The following CCDC186 variants were observed in gnomAD, a reference collection of about 807,000 sequenced individuals.
CCDC186 encodes the protein coiled-coil domain containing 186.
In CCDC186, 49 loss-of-function variants were observed where a neutral mutation model predicts 113.7. That is an observed-to-expected ratio of 0.43 (90% confidence interval 0.34 to 0.55). The LOEUF (loss-of-function observed/expected upper bound fraction) is 0.55. CCDC186 is among the 20% of genes least tolerant of loss of function. The probability of loss-of-function intolerance (pLI) is 0.02; values close to 1 mark genes in which losing one functional copy is unlikely to be tolerated. For synonymous variants in CCDC186, 355 were observed against 345.8 expected (o/e 1.03, Z -0.30); for missense variants, 890 against 1,011.1 (o/e 0.88, Z 1.62).
intron 1 of CCDC186, among the ~76,000 whole-genome samples, chr10:114,163,757 T>C (rs367589085): frequency 1.3e-5 from 2 of 151,976 alleles, no homozygotes; most frequent in African/African-American, 4.8e-5. Context: ...ATAAAAGCAC[T>C]AGAAATCACA....
rs775479999 is a variant in CCDC186 at position 114,125,200 on chromosome 10, T to C, written c.2640A>G (p.Glu880=). 6.2e-7 allele frequency: 1 copy of C among 1,611,876 alleles called. No homozygotes were observed. The highest frequency in any genetic ancestry group is 8.5e-7 in the Non-Finnish European group (1 of 1,178,810). The change falls in exon 16 of 16, where the codon GAA becomes GAG. Residue 880 remains glutamate (E), a synonymous_variant. Coordinates refer to ENST00000369287, the MANE Select transcript of CCDC186 (RefSeq NM_018017.4). ...LKENLQTLGT[E]IERLIKHQHE... is the part of the protein sequence containing the mutation. ...GCTGGTGTTTAATAAGACGTTCTAT[T>C]TCTGTTCCAAGTGTTTGTAGATTTT...
At chr10:114,149,810 AAGGAAGGC>A (rs1478592932) in intron 4 of CCDC186, among the ~76,000 whole-genome samples, 6,144 of 60,240 alleles carry the variant, frequency 0.1, 231 homozygotes, top group African/African-American at 0.16. Context: ...GGAAGGAAGG[AAGGAAGGC>A]AGGAAGGCAG....
At position 114,161,244 on chromosome 10, in the gene CCDC186, A is replaced by G. The variant is rs148985048; in HGVS notation, c.632+1393T>C. Among the ~76,000 whole-genome samples the G allele has an allele frequency of 8.3e-4, 126 of 152,332 alleles. 1 individual carries two copies. Among genetic ancestry groups the G allele is most frequent in the African/African-American group, 3.0e-3 (123 of 41,586 alleles). ...CACAAAGCTCAGATTTTAACTTTGCATTTGTTAGCATGTGGCCTTGAGCAA... is the reference window on the plus strand; with the variant it reads ...CACAAAGCTCAGATTTTAACTTTGCGTTTGTTAGCATGTGGCCTTGAGCAA... On this transcript the variant is annotated intron_variant, in intron 2 of 15. Coordinates refer to ENST00000369287, the MANE Select transcript of CCDC186 (RefSeq NM_018017.4).
At chr10:114,129,833 A>AATGCTATTT (rs2031030138) in intron 13 of CCDC186, 58 bp downstream of exon 13, 2 of 1,541,902 alleles carry the variant, frequency 1.3e-6, no homozygotes, top group Non-Finnish European at 1.8e-6. Flanking sequence ...CCTGGCCAAA[A>AATGCTATTT]ATGCTATTTA....
At chr10:114,152,700 C>T (rs755469218) in intron 3 of CCDC186, among the ~76,000 whole-genome samples, 1 of 152,056 alleles carries the variant, frequency 6.6e-6, no homozygotes, top group Non-Finnish European at 1.5e-5. Flanking sequence ...AAGGCAGAAA[C>T]TAACAGACTT....
chr10:114,137,236 C>G lies in CCDC186; in HGVS notation c.1276G>C (p.Glu426Gln). 6.2e-7 allele frequency: 1 copy of G among 1,613,800 alleles called. No homozygotes were observed. Among genetic ancestry groups the G allele is most frequent in the Non-Finnish European group, 8.5e-7 (1 of 1,179,960 alleles). The change falls in exon 7 of 16, where the codon GAA becomes CAA. Residue 426 changes from glutamate to glutamine, a missense_variant. By Grantham distance (29) the Glu-to-Gln change is conservative (BLOSUM62 2). Transcript: ENST00000369287. ...TTTKLTQAKEEADQIRKNCQD... is the reference protein window; with the variant it reads ...TTTKLTQAKEQADQIRKNCQD... ...CAGTTTTTTCGTATCTGATCTGCTT[C>G]TTCCTTTGCTTGTGTTAATTTTGTT... is the stretch of plus-strand genomic sequence containing the variant.
At chr10:114,135,244 C>T (rs1269308786) in intron 9 of CCDC186, among the ~76,000 whole-genome samples, 189 bp from the exon 10 acceptor site, 1 of 152,064 alleles carries the variant, frequency 6.6e-6, no homozygotes, top group African/African-American at 2.4e-5. Flanking sequence ...GGAGTTTTAG[C>T]ATGTCATTTC....
chr10:114,135,098 T>A (rs1374012362), intron 9 of CCDC186, 43 bp from the exon 10 acceptor site: 2 of 1,552,876 alleles, frequency 1.3e-6, no homozygotes, highest in African/African-American at 2.8e-5. Context: ...TGTATTCTTG[T>A]TCTTTATAAA....
At chr10:114,129,382 T>C (rs1202959010) in intron 13 of CCDC186, among the ~76,000 whole-genome samples, 1 of 151,534 alleles carries the variant, frequency 6.6e-6, no homozygotes, top group Non-Finnish European at 1.5e-5. Flanking sequence ...GATCATCACA[T>C]AGAACCCCAT....
chr10:114,157,665 A>G lies in CCDC186; in HGVS notation c.648T>C (p.Asn216=). 2 of 1,587,422 alleles carry G rather than the reference A, an allele frequency of 1.3e-6. No homozygotes were observed. Among genetic ancestry groups the G allele is most frequent in the African/African-American group, 1.4e-5 (1 of 73,336 alleles). ...CTACGAAGAGCTCCTGATGCTTCTTATTTTCTTTAATTAACCTAAATATAA... is the reference window on the plus strand; with the variant it reads ...CTACGAAGAGCTCCTGATGCTTCTTGTTTTCTTTAATTAACCTAAATATAA... ...EHIIKKLIKE[N]KKHQELFVDI... Residue 216 remains asparagine (N), a synonymous_variant, in exon 3 of 16, where the codon AAT becomes AAC. Coordinates refer to ENST00000369287, the MANE Select transcript of CCDC186 (RefSeq NM_018017.4).
At chr10:114,142,423 T>C (rs1327167333) in intron 6 of CCDC186, among the ~76,000 whole-genome samples, 1 of 152,182 alleles carries the variant, frequency 6.6e-6, no homozygotes, top group African/African-American at 2.4e-5. Flanking sequence ...TTGCTAGCCG[T>C]ATATACGTTC....
chr10:114,173,658 C>A (rs1298927377), intron 1 of CCDC186, among the ~76,000 whole-genome samples: 5 of 152,246 alleles, frequency 3.3e-5, no homozygotes, highest in Admixed American at 3.3e-4. Context: ...AGGAAAGATT[C>A]TCGAGCAGGT....
At chr10:114,143,074 G>C (rs1482455827) in intron 6 of CCDC186, among the ~76,000 whole-genome samples, 1 of 152,152 alleles carries the variant, frequency 6.6e-6, no homozygotes, top group Non-Finnish European at 1.5e-5. Flanking sequence ...AATGCCTTTA[G>C]TTAAAAAGAA....
rs914804217 is a variant in CCDC186 at position 114,144,498 on chromosome 10, T to A, written c.1220A>T (p.Lys407Met). 3 of 1,612,972 alleles carry A rather than the reference T, an allele frequency of 1.9e-6. No individual in the cohort carries two copies. Among genetic ancestry groups the A allele is most frequent in the Non-Finnish European group, 2.5e-6 (3 of 1,179,330 alleles). The part of the protein sequence containing the change: ...NKLKAEMDSH[K>M]ETKDKLKETT... ...ATTCCATTGTATTACAGTACGTACC[T>A]TGTGTGAATCCATTTCAGCTTTTAA... The change falls in exon 6 of 16, where the codon AAG (lysine) becomes ATG (methionine). Residue 407 changes from lysine (K) to methionine (M), a missense_variant and splice_region_variant. Lys to Met is a moderately conservative substitution (Grantham distance 95). Coordinates refer to ENST00000369287, the MANE Select transcript of CCDC186 (RefSeq NM_018017.4).
intron 6 of CCDC186, among the ~76,000 whole-genome samples, chr10:114,143,676 G>T (rs972579707): frequency 6.6e-6 from 1 of 152,150 alleles, no homozygotes; most frequent in African/African-American, 2.4e-5. Context: ...CTATATCAGA[G>T]AATACAATAT....
chr10:114,141,642 C>A (rs1164765172), intron 6 of CCDC186, among the ~76,000 whole-genome samples: 1 of 152,024 alleles, frequency 6.6e-6, no homozygotes, highest in East Asian at 1.9e-4. Context: ...CACACACACA[C>A]ACGCACGCAC....
intron 1 of CCDC186, chr10:114,168,088 G>C (rs1027262180): frequency 1.3e-5 from 2 of 152,140 alleles, no homozygotes; most frequent in African/African-American, 4.8e-5. Flanking sequence ...CTCATTAGGA[G>C]AAATACTATA....
At position 114,135,974 on chromosome 10, in the gene CCDC186, G is replaced by A. The variant is rs761956335; in HGVS notation, c.1429C>T (p.His477Tyr). The change falls in exon 9 of 16, where the codon CAT becomes TAT. Residue 477 changes from histidine (H) to tyrosine (Y), a missense_variant. Coordinates refer to ENST00000369287, the MANE Select transcript of CCDC186 (RefSeq NM_018017.4). ...MQEKSDQLEM[H>Y]HAKIKELEDL... is the part of the protein sequence containing the mutation. ...TCTAGTTCCTTTATTTTGGCATGAT[G>A]CATCTTTAAAAAAGTTTAAAAGAAA... is the stretch of plus-strand genomic sequence containing the variant. 5 of 1,610,594 alleles carry A rather than the reference G, an allele frequency of 3.1e-6. No homozygotes were observed. Among genetic ancestry groups the A allele is most frequent in the Non-Finnish European group, 4.2e-6 (5 of 1,177,688 alleles).
intron 1 of CCDC186, among the ~76,000 whole-genome samples, chr10:114,171,456 CAGG>C (rs544099543): frequency 8.5e-5 from 13 of 152,068 alleles, no homozygotes; most frequent in Non-Finnish European, 1.9e-4. Flanking sequence ...GAGGCTAAGG[CAGG>C]AGGATTGCTT....
Sources: gnomAD v4.1 joint callset for allele counts (sites outside exome capture counted in the v4.1 genomes callset) on GRCh38, gnomAD v4.1.1 for gene constraint, MANE v1.5 for transcripts, NCBI Gene and HGNC (gene_info 2026-07-23, HGNC 2026-07-21) for gene names.